The following SLC15A2 variants were observed in gnomAD, a reference collection of about 807,000 sequenced individuals.
The protein encoded by SLC15A2 is kidney H(+)/peptide cotransporter.
In SLC15A2, 77 loss-of-function variants were observed where a neutral mutation model predicts 95.5. That is an observed-to-expected ratio of 0.81 (90% CI 0.67 to 0.97). The LOEUF (loss-of-function observed/expected upper bound fraction) is 0.97, where lower values mean the gene tolerates loss of function less well. SLC15A2 is among the 50% of genes least tolerant of loss of function. The probability of loss-of-function intolerance (pLI) is 0.00; values close to 1 mark genes in which losing one functional copy is unlikely to be tolerated. For missense variants in SLC15A2, 893 were observed against 874.4 expected (o/e 1.02, Z -0.27); for synonymous variants, 306 against 306.9 (o/e 1.00, Z 0.03).
intron 17 of SLC15A2, among the ~76,000 whole-genome samples, chr3:121,930,306 A>G (rs1022428609): frequency 4.6e-5 from 7 of 152,158 alleles, no homozygotes; most frequent in Non-Finnish European, 1.0e-4. Flanking sequence ...GAAGGGTCCA[A>G]AGTTTCTGCA....
intron 13 of SLC15A2, among the ~76,000 whole-genome samples, chr3:121,925,765 TATATATATATATATATAAAA>T (rs1710107296): frequency 1.1e-5 from 1 of 89,290 alleles, no homozygotes; most frequent in African/African-American, 5.5e-5. Flanking sequence ...TATATATATA[TATATATATATATATATAAAA>T]TACAACTACT....
intron 13 of SLC15A2, among the ~76,000 whole-genome samples, chr3:121,925,560 C>T (rs1440963786): frequency 1.3e-5 from 2 of 150,288 alleles, no homozygotes; most frequent in Non-Finnish European, 3.0e-5. Flanking sequence ...GATTTAATAG[C>T]AATTTCATTG....
intron 3 of SLC15A2, among the ~76,000 whole-genome samples, chr3:121,897,779 T>C (rs990289002): frequency 6.6e-6 from 1 of 152,240 alleles, no homozygotes; most frequent in Non-Finnish European, 1.5e-5. Context: ...CTTTTGTTCC[T>C]TAAAACTAAT....
chr3:121,896,977 G>T (rs1331101490), intron 2 of SLC15A2, among the ~76,000 whole-genome samples: 2 of 149,368 alleles, frequency 1.3e-5, no homozygotes, highest in Non-Finnish European at 3.0e-5. Flanking sequence ...TGTTCCTCAG[G>T]TATGAGCTAA....
intron 7 of SLC15A2, among the ~76,000 whole-genome samples, chr3:121,916,815 CTTTTTTCTTT>C (rs1264597230): frequency 5.9e-5 from 9 of 151,916 alleles, no homozygotes; most frequent in Non-Finnish European, 1.3e-4. Flanking sequence ...TAATTAATTT[CTTTTTTCTTT>C]TTTTTTCTTT....
Position 121,937,058 on chromosome 3 carries a change from A to C in SLC15A2, c.1762-2291A>C, listed in dbSNP as rs1324574447. Among the ~76,000 whole-genome samples the C allele has an allele frequency of 2.7e-5, 4 of 147,534 alleles. No homozygotes were observed. The East Asian group carries it at 6.0e-4, about 22-fold the overall frequency. On this transcript the variant is annotated intron_variant, in intron 19 of 21. Transcript: ENST00000489711. ...TGGCTGGATATGAAATTCTGGGTTG[A>C]AAATTCTTTTCTTTAAGAATGTTGA...
rs774361119 is a variant in SLC15A2, at chr3:121,929,307, G to T, written c.1512G>T (p.Lys504Asn). Residue 504 changes from lysine to asparagine, a missense_variant, in exon 17 of 22, where the codon AAG (lysine) becomes AAT (asparagine). Transcript: ENST00000489711. ...TTTACTTTCCTCTGTTGTAGGTAAA[G>T]GATACAGAAAGCAGAACAACCAATG... Reference protein sequence around the residue: ...DGNSISSMMVKDTESRTTNGM... With the variant: ...DGNSISSMMVNDTESRTTNGM... 6.2e-6 allele frequency: 10 copies of T among 1,613,784 alleles called. No homozygotes were observed. In the South Asian group the frequency reaches 6.6e-5, roughly 11 times the overall value.
intron 3 of SLC15A2, among the ~76,000 whole-genome samples, chr3:121,903,593 T>C (rs1300409769): frequency 2.6e-5 from 4 of 152,188 alleles, no homozygotes; most frequent in Non-Finnish European, 5.9e-5. Context: ...CCTAGCACCA[T>C]TTATTAAATA....
chr3:121,908,039 G>T (rs1709690956), intron 3 of SLC15A2, among the ~76,000 whole-genome samples: 1 of 152,252 alleles, frequency 6.6e-6, no homozygotes, highest in African/African-American at 2.4e-5. Flanking sequence ...GCTCTGCCCA[G>T]TTCAAGCTTC....
At chr3:121,917,508 G>C (rs1015534433) in intron 7 of SLC15A2, among the ~76,000 whole-genome samples, 3 of 152,052 alleles carry the variant, frequency 2.0e-5, no homozygotes, top group African/African-American at 7.2e-5. Context: ...GGACAACACA[G>C]CATGACTCCA....
chr3:121,922,743 GTC>G, intron 8 of SLC15A2, 30 bp from the exon 9 acceptor site: 1 of 1,526,392 alleles, frequency 6.6e-7, no homozygotes, highest in Non-Finnish European at 9.0e-7. Flanking sequence ...TTTTCTCTTT[GTC>G]TCTCCCATGA....
intron 4 of SLC15A2, among the ~76,000 whole-genome samples, chr3:121,912,103 A>G (rs1035764877): frequency 6.6e-6 from 1 of 152,234 alleles, no homozygotes; most frequent in African/African-American, 2.4e-5. Flanking sequence ...CATTTGATAA[A>G]TTCTGATGTC....
chr3:121,924,864 G>A (rs901158814), intron 12 of SLC15A2, 81 bp from the exon 13 acceptor site: 6 of 989,738 alleles, frequency 6.1e-6, no homozygotes, highest in Non-Finnish European at 9.7e-6. Flanking sequence ...GAGACAGAGT[G>A]TAAACAAGCA....
intron 12 of SLC15A2, 23 bp from the exon 13 acceptor site, chr3:121,924,922 T>C: frequency 9.9e-6 from 15 of 1,522,464 alleles, no homozygotes; most frequent in Non-Finnish European, 1.4e-5. Flanking sequence ...TTGTAGCTAA[T>C]CCTTTTTATC....
At chr3:121,939,876 G>C (rs1323624142) in intron 20 of SLC15A2, among the ~76,000 whole-genome samples, 1 of 152,058 alleles carries the variant, frequency 6.6e-6, no homozygotes, top group African/African-American at 2.4e-5. Context: ...CTGAGCGACA[G>C]AGCGAGACTC....
rs1710489021 is a variant in SLC15A2 at position 121,943,052 on chromosome 3, G to A, written c.*2045G>A. The stretch of plus-strand genomic sequence containing the variant: ...AGGCTGAGACAGGTGGATCACCTGA[G>A]GTCAGGAGTTCGAGACCAGCCTGGC... On this transcript the variant is annotated 3_prime_UTR_variant, in exon 22 of 22. Transcript: ENST00000489711. 6.6e-6 allele frequency: 1 copy of A among 152,150 alleles called. No individual in the cohort carries two copies. The highest frequency in any genetic ancestry group is 2.1e-4 in the South Asian group (1 of 4,820). 9.4% of individuals were successfully genotyped at this position (152,150 alleles called of 1,614,324 possible). A position where few individuals can be genotyped will look rare whatever the true frequency, so the allele number is the denominator to read the frequency against.
rs1710246682 is a variant in SLC15A2 at position 121,932,175 on chromosome 3, A to G, written c.1761+440A>G. Among the ~76,000 whole-genome samples the G allele has an allele frequency of 2.6e-5, 4 of 152,300 alleles. No homozygotes were observed. In the South Asian group the frequency reaches 8.3e-4, roughly 32 times the overall value. ...AGCCTCAGCCTCCCAAAGTGTTGAG[A>G]TTACAAGCGTGAGTCACCGCACCTG... On this transcript the variant is annotated intron_variant, in intron 19 of 21. Coordinates refer to ENST00000489711, the MANE Select transcript of SLC15A2 (RefSeq NM_021082.4).
At chr3:121,935,519 C>T (rs1031827312) in intron 19 of SLC15A2, among the ~76,000 whole-genome samples, 6 of 152,104 alleles carry the variant, frequency 3.9e-5, no homozygotes, top group African/African-American at 1.2e-4. Context: ...AGGAATTTAT[C>T]CATTTCTTCT....
At chr3:121,913,362 G>A (rs2107585126) in intron 5 of SLC15A2, among the ~76,000 whole-genome samples, 1 of 152,300 alleles carries the variant, frequency 6.6e-6, no homozygotes, top group Middle Eastern at 3.4e-3. Flanking sequence ...GAAGGAAATA[G>A]GGATAGTTAG....
Sources: gnomAD v4.1 joint callset for allele counts (sites outside exome capture counted in the v4.1 genomes callset) on GRCh38, gnomAD v4.1.1 for gene constraint, MANE v1.5 for transcripts, NCBI Gene and HGNC (gene_info 2026-07-23, HGNC 2026-07-21) for gene names.